WDR75: variants seen among roughly 807,000 people sequenced by gnomAD.
WDR75 encodes WD repeat-containing protein 75.
Under a neutral mutation model 106.1 loss-of-function variants are expected in WDR75, and 52 were observed. The observed-to-expected ratio is 0.49, with a 90% CI of 0.39 to 0.62. The LOEUF (loss-of-function observed/expected upper bound fraction) is 0.62. WDR75 is among the 20% of genes least tolerant of loss of function. The pLI is 0.00. For synonymous variants in WDR75, 333 were observed against 335.5 expected, an observed-to-expected ratio of 0.99 and a Z score of 0.08; for missense variants, 905 against 970.3, an observed-to-expected ratio of 0.93 and a Z score of 0.89.
Position 189,466,561 on chromosome 2 carries a change from A to G in WDR75, c.1426A>G (p.Thr476Ala), listed in dbSNP as rs551898346. Residue 476 changes from threonine (T) to alanine (A), a missense_variant, in exon 13 of 21, where the codon ACA becomes GCA. Coordinates refer to ENST00000314761, the MANE Select transcript of WDR75 (RefSeq NM_032168.3). ...KDGYFKVWIL[T>A]DDSDIYKKAV... Reference sequence around the variant, plus strand: ...TGGTTACTTCAAAGTATGGATATTAACAGATGACTCTGACATATACAGTAA... The same window carrying G: ...TGGTTACTTCAAAGTATGGATATTAGCAGATGACTCTGACATATACAGTAA... 39 of 1,612,696 alleles carry G rather than the reference A, an allele frequency of 2.4e-5. No homozygotes were observed. In the Admixed American group the frequency reaches 2.7e-4, roughly 11 times the overall value.
At position 189,475,098 on chromosome 2, in the gene WDR75, T is replaced by C. The variant is rs954771217; in HGVS notation, c.2289-115T>C. On this transcript the variant is annotated intron_variant, in intron 20 of 20. Coordinates refer to ENST00000314761, the MANE Select transcript of WDR75 (RefSeq NM_032168.3). Reference sequence around the variant, plus strand: ...CCCATAATTTTTAAAGTGTACTTAGTAACAAAATTCTTCATTTACTTTGTG... The same window carrying C: ...CCCATAATTTTTAAAGTGTACTTAGCAACAAAATTCTTCATTTACTTTGTG... 5.9e-6 allele frequency: 5 copies of C among 850,948 alleles called. No individual in the cohort carries two copies. The African/African-American group carries it at 8.7e-5, about 15-fold the overall frequency. The allele number at this position is 850,948 out of a possible 1,614,324, so 52.7% of individuals were successfully genotyped here. A position where few individuals can be genotyped will look rare whatever the true frequency, so the allele number is the denominator to read the frequency against.
intron 1 of WDR75, among the ~76,000 whole-genome samples, chr2:189,442,706 T>C (rs915770778): frequency 6.6e-6 from 1 of 152,080 alleles, no homozygotes; most frequent in Non-Finnish European, 1.5e-5. Context: ...CACCTGAACC[T>C]CCCAAAGTGC....
chr2:189,457,252 G>GAAA, intron 5 of WDR75, 59 bp from the exon 6 acceptor site: 2 of 1,051,592 alleles, frequency 1.9e-6, no homozygotes, highest in African/African-American at 1.7e-5. Context: ...AAAAAAAAAA[G>GAAA]AAAAAAAAAA....
intron 1 of WDR75, among the ~76,000 whole-genome samples, chr2:189,442,276 GC>G (rs1410273561): frequency 1.3e-5 from 2 of 152,014 alleles, no homozygotes; most frequent in African/African-American, 2.4e-5. Context: ...AGACAACAAT[GC>G]CCGGCACATA....
rs768509841 is a variant in WDR75, at chr2:189,468,577, A to G, written c.1723+8A>G. On this transcript the variant is annotated splice_region_variant and intron_variant, in intron 15 of 20. Transcript: ENST00000314761. ...ATCTGCTGAGCTGTGCATGTAAGAT[A>G]TTTTTTACTCTAAAGTGATCTGGCA... 1.9e-6 allele frequency: 3 copies of G among 1,612,466 alleles called. No individual in the cohort carries two copies. The highest frequency in any genetic ancestry group is 2.2e-5 in the South Asian group (2 of 91,008).
At chr2:189,473,949 G>T (rs1276616716) in intron 18 of WDR75, among the ~76,000 whole-genome samples, 1 of 152,174 alleles carries the variant, frequency 6.6e-6, no homozygotes, top group Non-Finnish European at 1.5e-5. Flanking sequence ...TGGTGAAGAA[G>T]CAGTGGTAAA....
intron 8 of WDR75, among the ~76,000 whole-genome samples, chr2:189,461,184 G>A (rs1445749637): frequency 6.6e-6 from 1 of 152,172 alleles, no homozygotes; most frequent in African/African-American, 2.4e-5. Flanking sequence ...TTTAAAACCA[G>A]TTGTTTTAGA....
intron 8 of WDR75, among the ~76,000 whole-genome samples, chr2:189,461,194 A>G (rs1686874206): frequency 1.3e-5 from 2 of 152,234 alleles, no homozygotes; most frequent in African/African-American, 2.4e-5. Flanking sequence ...GTTGTTTTAG[A>G]TTCATGAAAG....
At position 189,465,263 on chromosome 2, in the gene WDR75, A is replaced by G. The variant is rs759802474; in HGVS notation, c.1289+9A>G. On this transcript the variant is annotated intron_variant, in intron 12 of 20. Transcript: ENST00000314761. The stretch of plus-strand genomic sequence containing the variant: ...AATAAGAAAACACAAGGGTAATACT[A>G]TCTGTGTAGCCACTTAATTTCAAAG... 6.3e-7 allele frequency: 1 copy of G among 1,591,644 alleles called. No homozygotes were observed. The highest frequency in any genetic ancestry group is 8.6e-7 in the Non-Finnish European group (1 of 1,167,840).
chr2:189,468,597 C>G, intron 15 of WDR75, 28 bp downstream of exon 15: 3 of 1,606,984 alleles, frequency 1.9e-6, no homozygotes, highest in Non-Finnish European at 2.6e-6. Context: ...CTAAAGTGAT[C>G]TGGCAAAGCG....
At chr2:189,463,469 C>G (rs1357573636) in intron 9 of WDR75, among the ~76,000 whole-genome samples, 1 of 152,096 alleles carries the variant, frequency 6.6e-6, no homozygotes, top group Non-Finnish European at 1.5e-5. Flanking sequence ...GGTGTCCAAT[C>G]TTTTGGCTTC....
intron 19 of WDR75, 106 bp from the exon 20 acceptor site, chr2:189,474,611 A>T (rs1687176180): frequency 9.9e-7 from 1 of 1,010,110 alleles, no homozygotes; most frequent in Non-Finnish European, 1.5e-6. Flanking sequence ...TTCATGTTTC[A>T]CTCTTGGCAT....
rs775976313 is a variant in WDR75 at position 189,462,683 on chromosome 2, CATAA to C, written c.937+44_937+47del. On this transcript the variant is annotated intron_variant, in intron 9 of 20. Transcript: ENST00000314761. ...TTATTATGAGGAAATATATAAACAC[CATAA>C]ATTAGCTAGCATCTGTAGGGAACAG... 16 of 1,573,748 alleles carry C rather than the reference CATAA, an allele frequency of 1.0e-5. No homozygotes were observed. The Admixed American group carries it at 2.7e-4, about 27-fold the overall frequency.
chr2:189,469,197 A>G (rs1687067470), intron 15 of WDR75, 147 bp from the exon 16 acceptor site: 1 of 678,822 alleles, frequency 1.5e-6, no homozygotes, highest in Admixed American at 2.6e-5. Context: ...CTCTCACTTT[A>G]GTGCAGCATT....
chr2:189,467,506 T>A lies in WDR75; in HGVS notation c.1486T>A (p.Tyr496Asn), dbSNP rs1016609102. 1 of 1,605,114 alleles carries A rather than the reference T, an allele frequency of 6.2e-7. No individual in the cohort carries two copies. The highest frequency in any genetic ancestry group is 8.5e-7 in the Non-Finnish European group (1 of 1,176,202). The change falls in exon 14 of 21, where the codon TAT (tyrosine) becomes AAT (asparagine). Residue 496 changes from tyrosine (Y) to asparagine (N), a missense_variant. Physicochemically the swap from Tyr to Asn is moderately radical, Grantham distance 143. Coordinates refer to ENST00000314761, the MANE Select transcript of WDR75 (RefSeq NM_032168.3). Reference sequence around the variant, plus strand: ...CTGGACCTGTGACTTTGTTGGTAGTTATCACAAGTATCAAGCAACTAACTG... The same window carrying A: ...CTGGACCTGTGACTTTGTTGGTAGTAATCACAAGTATCAAGCAACTAACTG... ...VGWTCDFVGS[Y>N]HKYQATNCCF...
intron 9 of WDR75, 42 bp downstream of exon 9, chr2:189,462,684 A>G: frequency 1.3e-6 from 2 of 1,576,572 alleles, no homozygotes; most frequent in Middle Eastern, 1.9e-4. Flanking sequence ...TATAAACACC[A>G]TAAATTAGCT....
chr2:189,454,561 G>A (rs1686694220), intron 4 of WDR75, among the ~76,000 whole-genome samples: 2 of 150,566 alleles, frequency 1.3e-5, no homozygotes. Flanking sequence ...TTGCTCTGTC[G>A]CCCAGGCTGG....
Position 189,455,421 on chromosome 2 carries a change from A to G in WDR75, c.475A>G (p.Lys159Glu). Residue 159 changes from lysine to glutamate, a missense_variant, in exon 5 of 21, where the codon AAG (lysine) becomes GAG (glutamate). Transcript: ENST00000314761. ...FVLDYINQSP[K>E]CIAFGNEGVY... ...TTTGGATTACATAAACCAGTCACCC[A>G]AGTGCATTGCCTTTGGAAACGAGGT... is the stretch of plus-strand genomic sequence containing the variant. 6.2e-7 allele frequency: 1 copy of G among 1,612,334 alleles called. No individual in the cohort carries two copies.
intron 4 of WDR75, among the ~76,000 whole-genome samples, chr2:189,452,809 A>G (rs1486724391): frequency 6.6e-6 from 1 of 152,166 alleles, no homozygotes; most frequent in Non-Finnish European, 1.5e-5. Flanking sequence ...ACTGTATGCT[A>G]TGGTGTCCTC....
Sources: gnomAD v4.1 joint callset for allele counts (sites outside exome capture counted in the v4.1 genomes callset) on GRCh38, gnomAD v4.1.1 for gene constraint, MANE v1.5 for transcripts, NCBI Gene and HGNC (gene_info 2026-07-23, HGNC 2026-07-21) for gene names.